Variants in TMEM135 observed in about 807,000 individuals in gnomAD.
TMEM135 encodes peroxisomal membrane protein 52.
In TMEM135, 30 loss-of-function variants were observed where a neutral mutation model predicts 60.3. The ratio of observed to expected loss-of-function variants is 0.50; its 90% confidence interval spans 0.37 to 0.68. TMEM135 has a LOEUF of 0.68. Among genes scored for constraint, TMEM135 ranks in the 30% least tolerant of loss-of-function variants. The pLI is 0.00. For synonymous variants in TMEM135, 190 were observed against 186.7 expected (o/e 1.02, Z -0.14); for missense variants, 468 against 548.8 (o/e 0.85, Z 1.47).
chr11:87,162,966 G>C (rs1325556384), intron 5 of TMEM135, among the ~76,000 whole-genome samples: 3 of 150,514 alleles, frequency 2.0e-5, no homozygotes, highest in African/African-American at 7.3e-5. Context: ...TTTCTCTAAT[G>C]ACCAGTGATG....
intron 13 of TMEM135, 47 bp from the exon 14 acceptor site, chr11:87,319,263 A>G (rs370032345): frequency 9.0e-6 from 13 of 1,444,758 alleles, no homozygotes; most frequent in Non-Finnish European, 1.3e-5. Flanking sequence ...CATCACTTTC[A>G]GTTTTCATTT....
At chr11:87,275,110 A>C (rs1941944873) in intron 6 of TMEM135, among the ~76,000 whole-genome samples, 1 of 152,098 alleles carries the variant, frequency 6.6e-6, no homozygotes, top group African/African-American at 2.4e-5. Context: ...TAAAATAAAA[A>C]AGCATGTGAA....
intron 4 of TMEM135, among the ~76,000 whole-genome samples, chr11:87,123,933 A>G (rs868131938): frequency 6.6e-6 from 1 of 152,224 alleles, no homozygotes; most frequent in Non-Finnish European, 1.5e-5. Flanking sequence ...TCAAGCTTAC[A>G]TAATATAGCT....
At chr11:87,247,958 G>C (rs1941325404) in intron 6 of TMEM135, among the ~76,000 whole-genome samples, 2 of 151,962 alleles carry the variant, frequency 1.3e-5, no homozygotes, top group South Asian at 4.2e-4. Context: ...CGCTCACACT[G>C]GGGGCTTTAG....
chr11:87,282,010 T>C (rs765119922), intron 6 of TMEM135, among the ~76,000 whole-genome samples: 10 of 152,254 alleles, frequency 6.6e-5, no homozygotes, highest in Admixed American at 6.5e-4. Flanking sequence ...AGCTTTAGCA[T>C]TTTTAAGAAT....
chr11:87,274,460 G>A (rs1400494411), intron 6 of TMEM135, among the ~76,000 whole-genome samples: 2 of 151,962 alleles, frequency 1.3e-5, no homozygotes, highest in African/African-American at 4.8e-5. Context: ...TCTTTCTTGC[G>A]TTCTACTAGT....
chr11:87,263,867 A>G (rs770691073), intron 6 of TMEM135, among the ~76,000 whole-genome samples: 4 of 152,034 alleles, frequency 2.6e-5, no homozygotes, highest in Non-Finnish European at 5.9e-5. Flanking sequence ...ACAATTGAAT[A>G]TTTTGAAATT....
intron 5 of TMEM135, among the ~76,000 whole-genome samples, chr11:87,198,436 A>C (rs1020978322): frequency 6.6e-6 from 1 of 152,156 alleles, no homozygotes; most frequent in African/African-American, 2.4e-5. Flanking sequence ...AAAAGTTAAT[A>C]AGGGTACTTC....
chr11:87,157,317 CT>C (rs1450206475), intron 4 of TMEM135, 23 bp from the exon 5 acceptor site: 1 of 1,552,678 alleles, frequency 6.4e-7, no homozygotes. Flanking sequence ...TATATTTTTG[CT>C]GTTTTTTTTT....
chr11:87,194,503 C>A (rs1382557479), intron 5 of TMEM135, among the ~76,000 whole-genome samples: 3 of 152,010 alleles, frequency 2.0e-5, no homozygotes, highest in Non-Finnish European at 4.4e-5. Context: ...TTTTATAGTT[C>A]CACCTTCTTA....
intron 6 of TMEM135, among the ~76,000 whole-genome samples, chr11:87,268,587 A>G (rs1941799895): frequency 2.0e-5 from 3 of 152,234 alleles, no homozygotes. Flanking sequence ...GAGTGTATTA[A>G]GACCAAAATG....
At chr11:87,288,604 A>G (rs924078496) in intron 6 of TMEM135, among the ~76,000 whole-genome samples, 3 of 152,190 alleles carry the variant, frequency 2.0e-5, no homozygotes, top group Non-Finnish European at 4.4e-5. Context: ...AACTAAAATG[A>G]TGAAATTTCA....
chr11:87,210,977 G>A (rs1940356216), intron 5 of TMEM135, among the ~76,000 whole-genome samples: 1 of 152,026 alleles, frequency 6.6e-6, no homozygotes, highest in South Asian at 2.1e-4. Flanking sequence ...AACAAATTAG[G>A]CATTGAAATA....
chr11:87,148,663 A>G (rs1268875849), intron 4 of TMEM135, among the ~76,000 whole-genome samples: 1 of 152,188 alleles, frequency 6.6e-6, no homozygotes, highest in Non-Finnish European at 1.5e-5. Context: ...GTTAAAAATC[A>G]TATCACTAGA....
At chr11:87,092,012 C>T (rs1350522147) in intron 4 of TMEM135, among the ~76,000 whole-genome samples, 3 of 151,954 alleles carry the variant, frequency 2.0e-5, no homozygotes. Context: ...GTTTAATAGA[C>T]TTGATAGGCA....
intron 12 of TMEM135, among the ~76,000 whole-genome samples, chr11:87,315,949 G>A (rs1942721189): frequency 6.6e-6 from 1 of 151,940 alleles, no homozygotes; most frequent in Non-Finnish European, 1.5e-5. Flanking sequence ...ATCTTTGATA[G>A]CTTTCTTGCT....
chr11:87,148,678 A>G (rs951251431), intron 4 of TMEM135, among the ~76,000 whole-genome samples: 1 of 152,214 alleles, frequency 6.6e-6, no homozygotes. Context: ...ACTAGATTAA[A>G]TAGAATTAAA....
At chr11:87,089,151 A>G (rs1314666818) in intron 3 of TMEM135, among the ~76,000 whole-genome samples, 1 of 152,214 alleles carries the variant, frequency 6.6e-6, no homozygotes, top group African/African-American at 2.4e-5. Context: ...TGCAAATACT[A>G]CAAAATACAA....
rs539268471 is a variant in TMEM135 at position 87,327,022 on chromosome 11, G to A, written c.*5689G>A. On this transcript the variant is annotated 3_prime_UTR_variant, in exon 15 of 15. Transcript: ENST00000305494. Reference sequence around the variant, plus strand: ...CAACTAGTGGCAGTTTTTCCTTGCTGAGGGAACACTGATGTTGTTTAAGAC... The same window carrying A: ...CAACTAGTGGCAGTTTTTCCTTGCTAAGGGAACACTGATGTTGTTTAAGAC... 14 of 453,068 alleles carry A rather than the reference G, an allele frequency of 3.1e-5. No individual in the cohort carries two copies. Among genetic ancestry groups the A allele is most frequent in the African/African-American group, 2.8e-4 (14 of 49,736 alleles). The allele number at this position is 453,068 out of a possible 1,614,324, so 28.1% of individuals were successfully genotyped here. A position where few individuals can be genotyped will look rare whatever the true frequency, so the allele number is the denominator to read the frequency against.
Sources: gnomAD v4.1 joint callset for allele counts (sites outside exome capture counted in the v4.1 genomes callset) on GRCh38, gnomAD v4.1.1 for gene constraint, MANE v1.5 for transcripts, NCBI Gene and HGNC (gene_info 2026-07-23, HGNC 2026-07-21) for gene names.